Variants in ASTN1 observed in about 807,000 individuals in gnomAD.
ASTN1 encodes astrotactin 1.
A neutral mutation model predicts 140.7 loss-of-function variants in ASTN1; 41 were observed. The observed-to-expected ratio is 0.29, with a 90% CI of 0.23 to 0.38. The LOEUF is 0.38. Ranked by LOEUF, ASTN1 falls within the 10% of genes least tolerant of loss-of-function variation. The pLI, the probability that ASTN1 is intolerant of heterozygous loss-of-function variation, is 1.00. For synonymous variants in ASTN1, 640 were observed against 652.2 expected, an observed-to-expected ratio of 0.98 and a Z score of 0.29; for missense variants, 1,479 against 1,678.8, an observed-to-expected ratio of 0.88 and a Z score of 2.08.
chr1:177,128,379 A>C (rs1681773732), intron 1 of ASTN1, among the ~76,000 whole-genome samples: 1 of 152,214 alleles, frequency 6.6e-6, no homozygotes, highest in South Asian at 2.1e-4. Context: ...GCTTAATTGA[A>C]TCAAAATTCT....
intron 1 of ASTN1, among the ~76,000 whole-genome samples, chr1:177,159,287 G>C (rs1683380711): frequency 6.6e-6 from 1 of 152,070 alleles, no homozygotes; most frequent in Admixed American, 6.5e-5. Context: ...GATAGCATGA[G>C]TTATATAAGT....
intron 12 of ASTN1, 42 bp from the exon 13 acceptor site, chr1:176,946,162 A>G (rs762927655): frequency 4.1e-6 from 6 of 1,478,636 alleles, no homozygotes; most frequent in Non-Finnish European, 5.5e-6. Flanking sequence ...TATTCCATCA[A>G]TGACCCATGC....
At chr1:177,071,920 T>C (rs1369580364) in intron 1 of ASTN1, among the ~76,000 whole-genome samples, 1 of 152,176 alleles carries the variant, frequency 6.6e-6, no homozygotes, top group Non-Finnish European at 1.5e-5. Flanking sequence ...AATACCTTAT[T>C]ATCATCCCTG....
intron 16 of ASTN1, among the ~76,000 whole-genome samples, chr1:176,912,049 G>C (rs1025408201): frequency 1.3e-5 from 2 of 152,190 alleles, no homozygotes; most frequent in Non-Finnish European, 2.9e-5. Context: ...ATGTTGTTAT[G>C]TGACAAATGA....
At chr1:176,962,085 C>T (rs1439470093) in intron 9 of ASTN1, among the ~76,000 whole-genome samples, 1 of 152,202 alleles carries the variant, frequency 6.6e-6, no homozygotes, top group Non-Finnish European at 1.5e-5. Flanking sequence ...CACGCTTCCT[C>T]AGAGCAGGCT....
intron 1 of ASTN1, among the ~76,000 whole-genome samples, chr1:177,098,690 G>A (rs1407636071): frequency 6.6e-6 from 1 of 152,088 alleles, no homozygotes; most frequent in Non-Finnish European, 1.5e-5. Context: ...AGTAAACAAT[G>A]ATTTGAGAAA....
At chr1:176,912,832 T>G (rs893102360) in intron 16 of ASTN1, among the ~76,000 whole-genome samples, 1 of 152,208 alleles carries the variant, frequency 6.6e-6, no homozygotes, top group Non-Finnish European at 1.5e-5. Context: ...AGCAAGCTCA[T>G]TTTAGATCTC....
chr1:177,055,796 A>G (rs1677774067), intron 2 of ASTN1, among the ~76,000 whole-genome samples: 1 of 152,234 alleles, frequency 6.6e-6, no homozygotes, highest in African/African-American at 2.4e-5. Flanking sequence ...AATGAAAAAA[A>G]TACTACAAAT....
At chr1:176,980,990 T>A (rs1281443412) in intron 8 of ASTN1, among the ~76,000 whole-genome samples, 1 of 151,712 alleles carries the variant, frequency 6.6e-6, no homozygotes, top group African/African-American at 2.4e-5. Flanking sequence ...GGTGGGTGGA[T>A]CACCTGAGCT....
chr1:177,038,925 C>A (rs1383693134), intron 2 of ASTN1, among the ~76,000 whole-genome samples: 4 of 152,160 alleles, frequency 2.6e-5, no homozygotes, highest in Non-Finnish European at 1.5e-5. Context: ...ATGAAGATAT[C>A]TTGGGCTAGA....
At chr1:177,128,740 A>G (rs1025413835) in intron 1 of ASTN1, among the ~76,000 whole-genome samples, 1 of 152,166 alleles carries the variant, frequency 6.6e-6, no homozygotes, top group Non-Finnish European at 1.5e-5. Context: ...TGAGGGAAAG[A>G]GTTGTTTAAT....
At chr1:177,036,768 A>T (rs1382131261) in intron 2 of ASTN1, among the ~76,000 whole-genome samples, 1 of 152,108 alleles carries the variant, frequency 6.6e-6, no homozygotes. Context: ...ACATTCAGTT[A>T]CTGTTACATT....
At chr1:176,987,419 T>C (rs530158187) in intron 8 of ASTN1, among the ~76,000 whole-genome samples, 28 of 152,180 alleles carry the variant, frequency 1.8e-4, no homozygotes, top group Non-Finnish European at 3.2e-4. Context: ...ATCTAATGCC[T>C]CCTGTGCTTT....
At position 177,061,172 on chromosome 1, in the gene ASTN1, T is replaced by C. The variant is rs374457380; in HGVS notation, c.377A>G (p.Asp126Gly). 32 of 1,611,502 alleles carry C rather than the reference T, an allele frequency of 2.0e-5. No homozygotes were observed. Among genetic ancestry groups the C allele is most frequent in the Non-Finnish European group, 2.7e-5 (32 of 1,178,956 alleles). The change falls in exon 2 of 23, where the codon GAT (aspartate) becomes GGT (glycine). Residue 126 changes from aspartate (D) to glycine (G), a missense_variant. Transcript: ENST00000361833. ...TTGTCCAGGAAGGCTTGGGGCACCA[T>C]CTTGGTGATGAATGTGAAAAAGCAA... ...GTLLFHIHHQ[D>G]GAPSLPGQDP...
chr1:176,899,626 C>T (rs1669680380), intron 16 of ASTN1, among the ~76,000 whole-genome samples: 1 of 152,140 alleles, frequency 6.6e-6, no homozygotes, highest in South Asian at 2.1e-4. Context: ...TGATGTGGGG[C>T]AAATGAAGCA....
At chr1:176,991,650 G>A (rs1352632930) in intron 8 of ASTN1, among the ~76,000 whole-genome samples, 1 of 152,176 alleles carries the variant, frequency 6.6e-6, no homozygotes, top group Non-Finnish European at 1.5e-5. Context: ...TACTGCTGAA[G>A]CCTGCTTTGG....
At position 176,861,859 on chromosome 1, in the gene ASTN1, G is replaced by C. The variant is rs1361094920; in HGVS notation, c.*2425C>G. 1 of 985,294 alleles carries C rather than the reference G, an allele frequency of 1.0e-6. No individual in the cohort carries two copies. Among genetic ancestry groups the C allele is most frequent in the Non-Finnish European group, 1.2e-6 (1 of 829,844 alleles). The allele number at this position is 985,294 out of a possible 1,614,324, so 61.0% of individuals were successfully genotyped here. ...TTGGGAGACTGAGGGAAAGATAGGA[G>C]AGAGGAAGATAGTGTGCCTAAAATA... On this transcript the variant is annotated 3_prime_UTR_variant, in exon 23 of 23. Transcript: ENST00000361833.
At chr1:176,982,958 G>A (rs932891571) in intron 8 of ASTN1, among the ~76,000 whole-genome samples, 10 of 152,272 alleles carry the variant, frequency 6.6e-5, no homozygotes, top group African/African-American at 2.4e-4. Flanking sequence ...CTAAGAGGAG[G>A]CAGGGAAATC....
At chr1:177,134,315 T>C (rs745713720) in intron 1 of ASTN1, among the ~76,000 whole-genome samples, 83 of 152,258 alleles carry the variant, frequency 5.5e-4, no homozygotes, top group Non-Finnish European at 1.0e-3. Context: ...CCACTCATTA[T>C]CTACTCCTGC....
Sources: gnomAD v4.1 joint callset for allele counts (sites outside exome capture counted in the v4.1 genomes callset) on GRCh38, gnomAD v4.1.1 for gene constraint, MANE v1.5 for transcripts, NCBI Gene and HGNC (gene_info 2026-07-23, HGNC 2026-07-21) for gene names.